Variants in LINGO2 observed in about 807,000 individuals in gnomAD.
The protein encoded by LINGO2 is leucine-rich repeat and immunoglobulin-like domain-containing nogo receptor-interacting protein 2.
A neutral mutation model predicts 30.6 loss-of-function variants in LINGO2; 14 were observed. That is an observed-to-expected ratio of 0.46 (90% confidence interval 0.30 to 0.72). The LOEUF (loss-of-function observed/expected upper bound fraction) is 0.72, where lower values mean the gene tolerates loss of function less well. LINGO2 is among the 30% of genes least tolerant of loss of function. The pLI, the probability that LINGO2 is intolerant of heterozygous loss-of-function variation, is 0.07. For synonymous variants in LINGO2, 317 were observed against 288.5 expected (o/e 1.10, Z -1.00); for missense variants, 729 against 751.7 (o/e 0.97, Z 0.35).
chr9:28,771,510 A>T, the LINGO2 span, among the ~76,000 whole-genome samples: 3 of 142,146 alleles, frequency 2.1e-5, no homozygotes, highest in South Asian at 2.3e-4. Context: ...TGTGTGTGAG[A>T]GAGAGAGAGA....
chr9:28,712,923 T>G, the LINGO2 span, among the ~76,000 whole-genome samples: 1 of 152,158 alleles, frequency 6.6e-6, no homozygotes, highest in Admixed American at 6.5e-5. Flanking sequence ...TGGAGTGCAA[T>G]GGCCTGATCT....
chr9:28,505,659 A>G (rs1820079355), intron 1 of LINGO2, among the ~76,000 whole-genome samples: 2 of 151,946 alleles, frequency 1.3e-5, no homozygotes, highest in Non-Finnish European at 2.9e-5. Flanking sequence ...TAGTGCATTT[A>G]CCTTTTCTTA....
the LINGO2 span, among the ~76,000 whole-genome samples, chr9:28,931,044 C>A: frequency 5.6e-3 from 851 of 152,308 alleles, 12 homozygotes; most frequent in African/African-American, 0.019. Flanking sequence ...GAGGAAAAAA[C>A]CTCCTGGAAT....
intron 1 of LINGO2, among the ~76,000 whole-genome samples, chr9:28,486,953 T>C (rs1050186454): frequency 2.6e-5 from 4 of 151,834 alleles, no homozygotes; most frequent in African/African-American, 7.3e-5. Context: ...AGAGGCTGAG[T>C]GCCAAGCAGA....
chr9:29,194,838 T>C, the LINGO2 span, among the ~76,000 whole-genome samples: 1 of 152,214 alleles, frequency 6.6e-6, no homozygotes, highest in South Asian at 2.1e-4. Flanking sequence ...GATATTGACA[T>C]TGAAAAAAGC....
At chr9:28,444,926 G>T (rs1224735795) in intron 2 of LINGO2, among the ~76,000 whole-genome samples, 1 of 152,188 alleles carries the variant, frequency 6.6e-6, no homozygotes, top group Non-Finnish European at 1.5e-5. Context: ...GGCAGAACTA[G>T]CCCAGTGAAA....
At chr9:28,267,744 C>T (rs1053915828) in intron 4 of LINGO2, among the ~76,000 whole-genome samples, 1 of 151,940 alleles carries the variant, frequency 6.6e-6, no homozygotes, top group Non-Finnish European at 1.5e-5. Flanking sequence ...AGAGTAGTTC[C>T]TATATGGCTA....
chr9:28,549,470 G>T (rs1003944885), intron 1 of LINGO2, among the ~76,000 whole-genome samples: 1 of 151,864 alleles, frequency 6.6e-6, no homozygotes, highest in African/African-American at 2.4e-5. Context: ...GGTTTACGTA[G>T]GGTTTAAAGT....
the LINGO2 span, among the ~76,000 whole-genome samples, chr9:28,705,833 A>G: frequency 6.6e-6 from 1 of 152,110 alleles, no homozygotes; most frequent in East Asian, 1.9e-4. Context: ...TGCTCTGTTA[A>G]GTTGTGATTC....
chr9:28,584,427 T>G (rs1824427375), intron 1 of LINGO2, among the ~76,000 whole-genome samples: 1 of 152,034 alleles, frequency 6.6e-6, no homozygotes, highest in Non-Finnish European at 1.5e-5. Context: ...TATAATCCAT[T>G]GAGCAAAACC....
At chr9:28,459,821 A>G (rs1400540030) in intron 2 of LINGO2, among the ~76,000 whole-genome samples, 1 of 152,150 alleles carries the variant, frequency 6.6e-6, no homozygotes, top group Non-Finnish European at 1.5e-5. Context: ...ATGTGCTTTG[A>G]AATTTAAAGT....
intron 2 of LINGO2, among the ~76,000 whole-genome samples, chr9:28,408,080 T>A (rs1822586476): frequency 6.6e-6 from 1 of 152,096 alleles, no homozygotes; most frequent in Non-Finnish European, 1.5e-5. Flanking sequence ...TCAACAACCC[T>A]GTTATCTGTA....
At chr9:28,346,623 C>T (rs552611679) in intron 3 of LINGO2, among the ~76,000 whole-genome samples, 6 of 152,248 alleles carry the variant, frequency 3.9e-5, no homozygotes, top group Admixed American at 3.3e-4. Flanking sequence ...CGCTGCTTTC[C>T]ACAATGGTTG....
At position 28,466,058 on chromosome 9, in the gene LINGO2, C is replaced by CA. The variant is rs796305605; in HGVS notation, c.-279+9881dup. Among the ~76,000 whole-genome samples the CA allele has an allele frequency of 3.9e-4, 56 of 145,428 alleles. 1 individual carries two copies. Among genetic ancestry groups the CA allele is most frequent in the East Asian group, 2.0e-3 (10 of 5,040 alleles). On this transcript the variant is annotated intron_variant, in intron 2 of 5. Transcript: ENST00000379992. Reference sequence around the variant, plus strand: ...ACTATGGAGAACAGTTCAGAGGTTTCAAAAAAAAAACTAAAAACAGAGCTA... The same window carrying CA: ...ACTATGGAGAACAGTTCAGAGGTTTCAAAAAAAAAAACTAAAAACAGAGCTA...
the LINGO2 span, among the ~76,000 whole-genome samples, chr9:29,149,758 A>G: frequency 6.6e-6 from 1 of 152,174 alleles, no homozygotes; most frequent in African/African-American, 2.4e-5. Flanking sequence ...GGGGTTTGAT[A>G]CATGGGGCAG....
intron 2 of LINGO2, among the ~76,000 whole-genome samples, chr9:28,455,805 T>A (rs1415715614): frequency 6.6e-6 from 1 of 152,132 alleles, no homozygotes; most frequent in Non-Finnish European, 1.5e-5. Context: ...CACATCCCCC[T>A]GCCTTGTAGA....
the LINGO2 span, among the ~76,000 whole-genome samples, chr9:28,858,115 G>A: frequency 1.3e-5 from 2 of 151,854 alleles, no homozygotes; most frequent in South Asian, 2.1e-4. Context: ...GTCAGGACCT[G>A]CCCTCTGTGG....
chr9:29,012,907 C>G, the LINGO2 span, among the ~76,000 whole-genome samples: 1 of 152,160 alleles, frequency 6.6e-6, no homozygotes, highest in Non-Finnish European at 1.5e-5. Flanking sequence ...AGAAAAAGTT[C>G]TTTTCTATTA....
At chr9:28,577,276 C>A (rs939576902) in intron 1 of LINGO2, among the ~76,000 whole-genome samples, 1 of 152,116 alleles carries the variant, frequency 6.6e-6, no homozygotes, top group African/African-American at 2.4e-5. Context: ...ATTATAGAAT[C>A]TAAGATTGAT....
Sources: allele counts gnomAD v4.1 joint callset (sites outside exome capture counted in the v4.1 genomes callset), GRCh38; gene constraint gnomAD v4.1.1; transcripts MANE v1.5; gene names NCBI Gene and HGNC (gene_info 2026-07-23, HGNC 2026-07-21).